MACROD2: variants seen among roughly 807,000 people sequenced by gnomAD.
MACROD2 encodes mono-ADP ribosylhydrolase 2.
MACROD2 carries 36 observed loss-of-function variants against 70.4 expected under a neutral mutation model. The observed-to-expected ratio is 0.51, with a 90% confidence interval of 0.39 to 0.68. MACROD2 has a LOEUF of 0.68. MACROD2 is among the 30% of genes least tolerant of loss of function. The pLI is 0.00. For missense variants in MACROD2, 496 were observed against 538.4 expected (o/e 0.92, Z 0.78); for synonymous variants, 172 against 178.8 (o/e 0.96, Z 0.30).
At chr20:14,587,241 A>T (rs1180026588) in intron 4 of MACROD2, among the ~76,000 whole-genome samples, 1 of 151,846 alleles carries the variant, frequency 6.6e-6, no homozygotes, top group African/African-American at 2.4e-5. Flanking sequence ...AATATCATTA[A>T]ATATTGCATA....
At chr20:14,806,951 A>G (rs1191992788) in intron 5 of MACROD2, among the ~76,000 whole-genome samples, 2 of 152,112 alleles carry the variant, frequency 1.3e-5, no homozygotes, top group Non-Finnish European at 2.9e-5. Flanking sequence ...CCAGGGGCTT[A>G]TAGATAAAAC....
At position 15,229,984 on chromosome 20, in the gene MACROD2, G is replaced by T; in HGVS notation, c.463G>T (p.Gly155Cys). 2 of 1,613,716 alleles carry T rather than the reference G, an allele frequency of 1.2e-6. No individual in the cohort carries two copies. Among genetic ancestry groups the T allele is most frequent in the African/African-American group, 2.7e-5 (2 of 75,028 alleles). ...VGPIARGHIN[G>C]SHKEDLANCY... ...GCCAATAGCCAGGGGCCATATTAATGGTTCCCACAAGGAAGACCTTGCAAA... is the reference window on the plus strand; with the variant it reads ...GCCAATAGCCAGGGGCCATATTAATTGTTCCCACAAGGAAGACCTTGCAAA... The change falls in exon 6 of 18, where the codon GGT becomes TGT. Residue 155 changes from glycine to cysteine, a missense_variant. Transcript: ENST00000684519.
intron 8 of MACROD2, among the ~76,000 whole-genome samples, chr20:15,843,362 ACATTTTT>A (rs1271902204): frequency 6.6e-6 from 1 of 152,162 alleles, no homozygotes; most frequent in African/African-American, 2.4e-5. Flanking sequence ...GAGCAGAGTG[ACATTTTT>A]CATGTGGATG....
At position 15,695,611 on chromosome 20, in the gene MACROD2, A is replaced by T. The variant is rs534864103; in HGVS notation, c.646-167134A>T. Among the ~76,000 whole-genome samples, 3 of 152,132 alleles carry T rather than the reference A, an allele frequency of 2.0e-5. No individual in the cohort carries two copies. In the East Asian group the frequency reaches 5.8e-4, roughly 30 times the overall value. On this transcript the variant is annotated intron_variant, in intron 8 of 17. Coordinates refer to ENST00000684519, the MANE Select transcript of MACROD2 (RefSeq NM_001351661.2). ...TTTTTAGTAGAGTTGGGGTTTCACC[A>T]TGTTGGTCAGGCTGGTCTTAAACTC...
chr20:15,788,518 G>T (rs944340377), intron 8 of MACROD2, among the ~76,000 whole-genome samples: 1 of 152,172 alleles, frequency 6.6e-6, no homozygotes, highest in African/African-American at 2.4e-5. Context: ...GTGTAATTTT[G>T]ATGTTAGTGG....
At chr20:15,388,347 T>G (rs2045748214) in intron 6 of MACROD2, among the ~76,000 whole-genome samples, 1 of 152,126 alleles carries the variant, frequency 6.6e-6, no homozygotes, top group Non-Finnish European at 1.5e-5. Context: ...TTTCAGGTCC[T>G]TATGCTGATC....
chr20:14,459,368 C>A (rs2084340946), intron 3 of MACROD2, among the ~76,000 whole-genome samples: 1 of 151,894 alleles, frequency 6.6e-6, no homozygotes, highest in African/African-American at 2.4e-5. Flanking sequence ...GAGACATATA[C>A]ATGGGTGCAA....
chr20:14,721,603 G>T (rs2071470891), intron 5 of MACROD2, among the ~76,000 whole-genome samples: 1 of 152,120 alleles, frequency 6.6e-6, no homozygotes, highest in African/African-American at 2.4e-5. Flanking sequence ...AAAGCTTGTG[G>T]GTGATTCCTC....
chr20:14,869,294 C>T (rs893870428), intron 5 of MACROD2, among the ~76,000 whole-genome samples: 16 of 152,100 alleles, frequency 1.1e-4, no homozygotes, highest in South Asian at 2.1e-4. Flanking sequence ...CTTTTGTATC[C>T]GTTAGAGTTT....
chr20:15,547,945 C>T (rs1259270764), intron 8 of MACROD2, among the ~76,000 whole-genome samples: 1 of 152,192 alleles, frequency 6.6e-6, no homozygotes, highest in Non-Finnish European at 1.5e-5. Context: ...GGTTTTAGTA[C>T]AAGTACCCTA....
intron 5 of MACROD2, among the ~76,000 whole-genome samples, chr20:15,092,319 C>G (rs2075798474): frequency 6.6e-6 from 1 of 150,854 alleles, no homozygotes; most frequent in Admixed American, 6.6e-5. Flanking sequence ...CAGGTACACA[C>G]ATTTTCAAAT....
intron 8 of MACROD2, among the ~76,000 whole-genome samples, chr20:15,540,729 C>A (rs1179284503): frequency 6.6e-6 from 1 of 152,178 alleles, no homozygotes; most frequent in Non-Finnish European, 1.5e-5. Flanking sequence ...CGGCAGGGTT[C>A]CTTCTTTTTG....
At chr20:15,761,451 T>A (rs562127367) in intron 8 of MACROD2, among the ~76,000 whole-genome samples, 6 of 152,300 alleles carry the variant, frequency 3.9e-5, no homozygotes, top group Non-Finnish European at 7.3e-5. Flanking sequence ...TAGTAAATAA[T>A]TAAGGCAATT....
At position 15,680,940 on chromosome 20, in the gene MACROD2, A is replaced by G. The variant is rs1186864632; in HGVS notation, c.645+181093A>G. ...TTTTCATTTGAATAAAACTCATCAC[A>G]TGATACTCCCCAGTGTACCACAAAG... On this transcript the variant is annotated intron_variant, in intron 8 of 17. Transcript: ENST00000684519. Among the ~76,000 whole-genome samples the G allele has an allele frequency of 3.3e-5, 5 of 152,234 alleles. No homozygotes were observed. The East Asian group carries it at 7.7e-4, about 23-fold the overall frequency.
chr20:15,529,693 A>G (rs1439750371), intron 8 of MACROD2, among the ~76,000 whole-genome samples: 1 of 152,242 alleles, frequency 6.6e-6, no homozygotes, highest in Non-Finnish European at 1.5e-5. Context: ...TAACCTTTCA[A>G]AAAACAAATC....
At chr20:15,453,411 C>T (rs1181210360) in intron 7 of MACROD2, among the ~76,000 whole-genome samples, 1 of 152,042 alleles carries the variant, frequency 6.6e-6, no homozygotes, top group African/African-American at 2.4e-5. Context: ...CCTAACATTC[C>T]ATTATTTTGA....
At chr20:15,846,911 T>TTTTATATATA (rs1555786479) in intron 8 of MACROD2, among the ~76,000 whole-genome samples, 1 of 138,104 alleles carries the variant, frequency 7.2e-6, no homozygotes, top group African/African-American at 2.7e-5. Context: ...AAAAAAAAAA[T>TTTTATATATA]TATATATATA....
intron 4 of MACROD2, among the ~76,000 whole-genome samples, chr20:14,623,518 A>G (rs534241325): frequency 1.2e-4 from 18 of 152,296 alleles, no homozygotes; most frequent in South Asian, 6.2e-4. Context: ...GACCAATACT[A>G]TAATAAATAG....
chr20:16,035,817 G>A (rs2067227855), intron 15 of MACROD2, among the ~76,000 whole-genome samples: 1 of 151,682 alleles, frequency 6.6e-6, no homozygotes, highest in Admixed American at 6.6e-5. Context: ...CATCCTCCTC[G>A]GATGAGCTAC....
Sources: allele counts gnomAD v4.1 joint callset (sites outside exome capture counted in the v4.1 genomes callset), GRCh38; gene constraint gnomAD v4.1.1; transcripts MANE v1.5; gene names NCBI Gene and HGNC (gene_info 2026-07-23, HGNC 2026-07-21).